Variants in ZBTB20 observed in about 807,000 individuals in gnomAD.
The protein encoded by ZBTB20 is zinc finger and BTB domain-containing protein 20.
A neutral mutation model predicts 56.9 loss-of-function variants in ZBTB20; 9 were observed. The observed-to-expected ratio is 0.16, with a 90% CI of 0.10 to 0.28. The LOEUF is 0.28. ZBTB20 is among the 10% of genes least tolerant of loss of function. The probability of loss-of-function intolerance (pLI) is 1.00; values close to 1 mark genes in which losing one functional copy is unlikely to be tolerated. For missense variants in ZBTB20, 655 were observed against 1,003.0 expected, an observed-to-expected ratio of 0.65 and a Z score of 4.69; for synonymous variants, 417 against 420.7, an observed-to-expected ratio of 0.99 and a Z score of 0.11.
At chr3:114,639,948 A>G (rs73224536) in intron 6 of ZBTB20, among the ~76,000 whole-genome samples, 6,381 of 152,162 alleles carry the variant, frequency 0.042, 229 homozygotes, top group Middle Eastern at 0.11. Context: ...TTCTAAGATT[A>G]ATTACAGTCC....
chr3:114,737,429 A>G (rs2066258558), intron 5 of ZBTB20, among the ~76,000 whole-genome samples: 1 of 152,204 alleles, frequency 6.6e-6, no homozygotes, highest in African/African-American at 2.4e-5. Context: ...CTGATAGAAT[A>G]AACTATCAAG....
At chr3:114,565,595 C>T (rs2052622056) in intron 6 of ZBTB20, among the ~76,000 whole-genome samples, 1 of 152,142 alleles carries the variant, frequency 6.6e-6, no homozygotes, top group African/African-American at 2.4e-5. Flanking sequence ...TTTGATGACA[C>T]AAACTAATTA....
At chr3:114,590,826 C>T (rs149183503) in intron 6 of ZBTB20, among the ~76,000 whole-genome samples, 105 of 152,320 alleles carry the variant, frequency 6.9e-4, no homozygotes, top group African/African-American at 2.5e-3. Flanking sequence ...CTTCCCTTCT[C>T]GCTGACACAT....
chr3:114,936,618 T>C (rs902185974), intron 3 of ZBTB20, among the ~76,000 whole-genome samples: 2 of 152,116 alleles, frequency 1.3e-5, no homozygotes, highest in Non-Finnish European at 2.9e-5. Context: ...TTAATAGATA[T>C]AAATGGAAAA....
intron 6 of ZBTB20, among the ~76,000 whole-genome samples, chr3:114,501,892 A>G (rs1236586134): frequency 6.6e-6 from 1 of 151,592 alleles, no homozygotes; most frequent in East Asian, 2.0e-4. Context: ...TAGTTTTAGT[A>G]GAAATGGGGT....
rs552753141 is a variant in ZBTB20, at chr3:114,434,339, C to G, written c.-254-45234G>C. The stretch of plus-strand genomic sequence containing the variant: ...AGGAGTATGAGTTGGAATCCATGTT[C>G]TCTAGATGTGACGATGGAGTTCGGG... On this transcript the variant is annotated intron_variant, in intron 7 of 11. Coordinates refer to ENST00000675478, the MANE Select transcript of ZBTB20 (RefSeq NM_001348800.3). 1.8e-4 allele frequency among the ~76,000 whole-genome samples: 27 copies of G among 152,116 alleles called. No individual in the cohort carries two copies. In the South Asian group the frequency reaches 5.4e-3, roughly 30 times the overall value.
intron 5 of ZBTB20, among the ~76,000 whole-genome samples, chr3:114,753,495 A>C (rs9681478): frequency 0.07 from 9,546 of 136,018 alleles, 350 homozygotes; most frequent in Middle Eastern, 0.14. Context: ...AGTGCAATGG[A>C]GCGATCTCAG....
At chr3:114,572,800 T>C (rs1040730966) in intron 6 of ZBTB20, among the ~76,000 whole-genome samples, 1 of 152,220 alleles carries the variant, frequency 6.6e-6, no homozygotes, top group Non-Finnish European at 1.5e-5. Context: ...CTGGTTTTCT[T>C]TTTTGGGTAA....
intron 1 of ZBTB20, among the ~76,000 whole-genome samples, chr3:115,141,382 A>C (rs1163636573): frequency 6.6e-6 from 1 of 152,214 alleles, no homozygotes; most frequent in Non-Finnish European, 1.5e-5. Context: ...TGAATACATA[A>C]AGCAAAATAA....
At chr3:114,435,716 C>A (rs2090469205) in intron 7 of ZBTB20, among the ~76,000 whole-genome samples, 1 of 152,162 alleles carries the variant, frequency 6.6e-6, no homozygotes, top group African/African-American at 2.4e-5. Context: ...TGAAGTTTGG[C>A]TTGGTTACAT....
At chr3:114,387,296 CTT>C (rs2085264508) in intron 8 of ZBTB20, 1 of 152,128 alleles carries the variant, frequency 6.6e-6, no homozygotes, top group South Asian at 2.1e-4. Context: ...TTTTTATCCT[CTT>C]TATTGATTTT....
At chr3:114,913,620 G>A (rs1445850318) in intron 3 of ZBTB20, among the ~76,000 whole-genome samples, 1 of 151,262 alleles carries the variant, frequency 6.6e-6, no homozygotes, top group African/African-American at 2.4e-5. Flanking sequence ...TGCTTTGGTT[G>A]CTTGTGCTTA....
chr3:114,539,368 T>C lies in ZBTB20; in HGVS notation c.-294-38977A>G, dbSNP rs115937595. Among the ~76,000 whole-genome samples, 261 of 152,252 alleles carry C rather than the reference T, an allele frequency of 1.7e-3. 1 individual carries two copies. The highest frequency in any genetic ancestry group is 6.0e-3 in the African/African-American group (249 of 41,576). On this transcript the variant is annotated intron_variant, in intron 6 of 11. Coordinates refer to ENST00000675478, the MANE Select transcript of ZBTB20 (RefSeq NM_001348800.3). ...ATTTTGTTATGTTGATTCTCCACTA[T>C]TTTTGGCGATACAATAGTAATAATG...
intron 5 of ZBTB20, among the ~76,000 whole-genome samples, chr3:114,738,994 T>A (rs1218721326): frequency 2.6e-5 from 4 of 152,194 alleles, no homozygotes; most frequent in African/African-American, 7.2e-5. Flanking sequence ...GCATCAGCGA[T>A]CCTGGGCTCA....
At chr3:114,775,439 A>C (rs746706089) in intron 5 of ZBTB20, among the ~76,000 whole-genome samples, 6 of 152,040 alleles carry the variant, frequency 3.9e-5, no homozygotes, top group Non-Finnish European at 8.8e-5. Context: ...CATGTGGTTA[A>C]AATTCTTAAA....
intron 8 of ZBTB20, among the ~76,000 whole-genome samples, chr3:114,384,792 T>C (rs1409253721): frequency 6.6e-6 from 1 of 152,206 alleles, no homozygotes; most frequent in African/African-American, 2.4e-5. Flanking sequence ...CCATATTGTA[T>C]GTGGAAAGAA....
At chr3:114,485,032 T>C (rs2041967808) in intron 7 of ZBTB20, among the ~76,000 whole-genome samples, 1 of 152,192 alleles carries the variant, frequency 6.6e-6, no homozygotes, top group South Asian at 2.1e-4. Flanking sequence ...TGGTAGCTTT[T>C]GGAAGATGGT....
intron 3 of ZBTB20, among the ~76,000 whole-genome samples, chr3:114,930,131 A>G (rs1560410506): frequency 1.3e-5 from 2 of 152,164 alleles, no homozygotes; most frequent in Non-Finnish European, 2.9e-5. Flanking sequence ...AAAACACCAC[A>G]TTGCCTAAGA....
At chr3:114,951,243 GT>G (rs964034612) in intron 3 of ZBTB20, among the ~76,000 whole-genome samples, 21 of 150,110 alleles carry the variant, frequency 1.4e-4, no homozygotes, top group African/African-American at 4.4e-4. Context: ...CATTGCTTTT[GT>G]TTTTTTTTCT....
Sources: allele counts gnomAD v4.1 joint callset (sites outside exome capture counted in the v4.1 genomes callset), GRCh38; gene constraint gnomAD v4.1.1; transcripts MANE v1.5; gene names NCBI Gene and HGNC (gene_info 2026-07-23, HGNC 2026-07-21).